The following CEP104 variants were observed in gnomAD, a reference collection of about 807,000 sequenced individuals.
CEP104 encodes centrosomal protein 104.
CEP104 carries 84 observed loss-of-function variants against 113.3 expected under a neutral mutation model. The ratio of observed to expected loss-of-function variants is 0.74; its 90% confidence interval spans 0.62 to 0.89. CEP104 has a LOEUF of 0.89. Ranked by LOEUF, CEP104 falls within the 40% of genes least tolerant of loss-of-function variation. The pLI is 0.00. For missense variants in CEP104, 1,053 were observed against 1,156.6 expected, an observed-to-expected ratio of 0.91 and a Z score of 1.30; for synonymous variants, 378 against 421.7, an observed-to-expected ratio of 0.90 and a Z score of 1.27.
At chr1:3,856,502 T>C (rs1644732663) in intron 1 of CEP104, among the ~76,000 whole-genome samples, 1 of 152,236 alleles carries the variant, frequency 6.6e-6, no homozygotes, top group African/African-American at 2.4e-5. Flanking sequence ...CATCAGACTT[T>C]AATCTCTATA....
chr1:3,832,489 C>T (rs1332878191), intron 12 of CEP104, among the ~76,000 whole-genome samples: 1 of 136,634 alleles, frequency 7.3e-6, no homozygotes, highest in Admixed American at 7.7e-5. Context: ...TAGCGTAGGT[C>T]GTGACCAGGA....
chr1:3,838,131 C>A (rs1480833449), intron 8 of CEP104, among the ~76,000 whole-genome samples: 1 of 152,176 alleles, frequency 6.6e-6, no homozygotes, highest in East Asian at 1.9e-4. Context: ...GGATTTGAAC[C>A]CAGACAGTCC....
intron 20 of CEP104, among the ~76,000 whole-genome samples, chr1:3,816,801 C>G (rs1278025838): frequency 1.3e-5 from 2 of 152,286 alleles, no homozygotes; most frequent in African/African-American, 4.8e-5. Context: ...TTCCCACTCT[C>G]TTCATCCCTG....
At position 3,823,572 on chromosome 1, in the gene CEP104, G is replaced by A. The variant is rs201433671; in HGVS notation, c.2365-10C>T. The A allele has an allele frequency of 9.9e-5, 159 of 1,614,038 alleles. 1 individual carries two copies. Among genetic ancestry groups the A allele is most frequent in the Admixed American group, 8.0e-4 (48 of 60,004 alleles). ...TGGATATCTCGACCACCTGGATTTC[G>A]AAATACAGAGCAAAGCATGTTGCTG... On this transcript the variant is annotated splice_polypyrimidine_tract_variant and intron_variant, in intron 18 of 21. Transcript: ENST00000378230. The surrounding 1 kb of genome is among the most constrained non-coding windows in gnomAD (Gnocchi z 4.1).
intron 13 of CEP104, 33 bp from the exon 14 acceptor site, chr1:3,830,030 TTAAAA>T (rs775917145): frequency 6.8e-6 from 10 of 1,474,240 alleles, no homozygotes; most frequent in Non-Finnish European, 9.5e-6. Flanking sequence ...TTACTCATTC[TTAAAA>T]TAAAACTAAT....
rs1643926896 is a variant in CEP104, at chr1:3,819,292, T to A, written c.2572-2922A>T. Among the ~76,000 whole-genome samples, 1 of 151,686 alleles carries A rather than the reference T, an allele frequency of 6.6e-6. No individual in the cohort carries two copies. Among genetic ancestry groups the A allele is most frequent in the Non-Finnish European group, 1.5e-5 (1 of 67,936 alleles). ...AATCCATGGAGACCAAAACTAGACA[T>A]ATGGTCGCCAGGGGCTGGAGAGGGG... On this transcript the variant is annotated intron_variant, in intron 20 of 21. Transcript: ENST00000378230. This position sits in a 1 kb window ranked among gnomAD's most constrained non-coding sequence, Gnocchi z 4.6.
At chr1:3,820,269 A>G (rs1439238275) in intron 20 of CEP104, among the ~76,000 whole-genome samples, 1 of 152,208 alleles carries the variant, frequency 6.6e-6, no homozygotes, top group Non-Finnish European at 1.5e-5. Context: ...CCTAGTAGGA[A>G]ACCAATGGCA....
At chr1:3,840,406 T>G (rs1336617499) in intron 6 of CEP104, among the ~76,000 whole-genome samples, 2 of 152,028 alleles carry the variant, frequency 1.3e-5, no homozygotes, top group Non-Finnish European at 2.9e-5. Context: ...CTGGCTAGTT[T>G]TTGTATTTTT....
At chr1:3,830,821 G>T (rs1281789446) in intron 13 of CEP104, among the ~76,000 whole-genome samples, 6 of 150,114 alleles carry the variant, frequency 4.0e-5, no homozygotes, top group Admixed American at 3.3e-4. Flanking sequence ...TTTATGATTT[G>T]TTTCTCTCCA....
Position 3,836,596 on chromosome 1 carries a change from T to C in CEP104, c.1216A>G (p.Ser406Gly). The C allele has an allele frequency of 6.2e-7, 1 of 1,611,628 alleles. No homozygotes were observed. The highest frequency in any genetic ancestry group is 8.5e-7 in the Non-Finnish European group (1 of 1,178,964). Residue 406 changes from serine to glycine, a missense_variant, in exon 10 of 22, where the codon AGC (serine) becomes GGC (glycine). Coordinates refer to ENST00000378230, the MANE Select transcript of CEP104 (RefSeq NM_014704.4). ...AACATGCCTCCCCTCCGAGCATCGC[T>C]GATGTCTGCATTACTCATTTCCGGC... ...VEPEMSNADISDARRGGMLGE... is the reference protein window; with the variant it reads ...VEPEMSNADIGDARRGGMLGE...
At chr1:3,816,167 T>G in intron 21 of CEP104, 113 bp downstream of exon 21, 7 of 856,646 alleles carry the variant, frequency 8.2e-6, no homozygotes, top group Non-Finnish European at 1.2e-5. Flanking sequence ...GATGCTTTAT[T>G]TTGCTTTTAA....
At chr1:3,849,056 A>C (rs1262003926) in intron 2 of CEP104, among the ~76,000 whole-genome samples, 1 of 152,146 alleles carries the variant, frequency 6.6e-6, no homozygotes, top group Non-Finnish European at 1.5e-5. Flanking sequence ...GTCTGATGTG[A>C]AACCTGCAGT....
chr1:3,815,996 A>G (rs1643874553), intron 21 of CEP104, among the ~76,000 whole-genome samples: 1 of 152,162 alleles, frequency 6.6e-6, no homozygotes, highest in African/African-American at 2.4e-5. Flanking sequence ...TAAACACTTG[A>G]GTCAGTGATG....
chr1:3,822,214 TGA>T (rs61301856), intron 20 of CEP104, among the ~76,000 whole-genome samples: 100,565 of 151,730 alleles, frequency 0.66, 34,627 homozygotes, highest in African/African-American at 0.86. Flanking sequence ...TTTCAAACTC[TGA>T]GAGAGAGAGA....
intron 5 of CEP104, 58 bp from the exon 6 acceptor site, chr1:3,845,041 C>G: frequency 1.5e-6 from 2 of 1,370,976 alleles, no homozygotes; most frequent in South Asian, 2.3e-5. Context: ...AACACAAAAC[C>G]TTAACTACAA....
intron 12 of CEP104, among the ~76,000 whole-genome samples, chr1:3,832,989 T>TTC (rs759112908): frequency 2.8e-5 from 2 of 71,508 alleles, no homozygotes; most frequent in African/African-American, 2.1e-4. Context: ...CCTGGATTCT[T>TTC]TTTTTTTTTT....
intron 9 of CEP104, chr1:3,836,952 CTG>C: frequency 1.9e-6 from 1 of 516,498 alleles, no homozygotes; most frequent in Non-Finnish European, 3.4e-6. Context: ...ACCTCAATGA[CTG>C]TTTACTGGTA....
chr1:3,816,196 T>A, intron 21 of CEP104, 84 bp downstream of exon 21: 1 of 1,192,480 alleles, frequency 8.4e-7, no homozygotes, highest in Non-Finnish European at 1.2e-6. Flanking sequence ...GGTCTTGCCA[T>A]GTTGCCCTGG....
At chr1:3,826,520 A>T in intron 16 of CEP104, 84 bp from the exon 17 acceptor site, 2 of 1,362,676 alleles carry the variant, frequency 1.5e-6, no homozygotes, top group Non-Finnish European at 2.1e-6. Flanking sequence ...GAGCTCTAAA[A>T]CGATTATACA....
Sources: allele counts gnomAD v4.1 joint callset (sites outside exome capture counted in the v4.1 genomes callset), GRCh38; gene constraint gnomAD v4.1.1; non-coding constraint Gnocchi (gnomAD v3.1); transcripts MANE v1.5; gene names NCBI Gene and HGNC (gene_info 2026-07-23, HGNC 2026-07-21).